The following DNAJB12 variants were observed in gnomAD, a reference collection of about 807,000 sequenced individuals.
The protein encoded by DNAJB12 is DnaJ heat shock protein family (Hsp40) member B12.
In DNAJB12, 14 loss-of-function variants were observed where a neutral mutation model predicts 40.6. The observed-to-expected ratio is 0.34, with a 90% CI of 0.23 to 0.54. DNAJB12 has a LOEUF of 0.54. DNAJB12 is among the 20% of genes least tolerant of loss of function. The pLI is 0.92. For missense variants in DNAJB12, 444 were observed against 501.7 expected (o/e 0.89, Z 1.10); for synonymous variants, 181 against 199.5 (o/e 0.91, Z 0.78).
chr10:72,348,147 G>A (rs962489406), intron 1 of DNAJB12, among the ~76,000 whole-genome samples: 2 of 152,082 alleles, frequency 1.3e-5, no homozygotes, highest in East Asian at 1.9e-4. Flanking sequence ...GCTTGAACCC[G>A]GGAGGCAGAG....
intron 3 of DNAJB12, among the ~76,000 whole-genome samples, chr10:72,343,006 C>T (rs1251656344): frequency 6.6e-6 from 1 of 152,212 alleles, no homozygotes; most frequent in East Asian, 1.9e-4. Context: ...GAAACAGTTA[C>T]CCCAGTGGGC....
intron 1 of DNAJB12, among the ~76,000 whole-genome samples, chr10:72,347,730 A>G (rs1248281528): frequency 6.6e-6 from 1 of 152,162 alleles, no homozygotes; most frequent in African/African-American, 2.4e-5. Flanking sequence ...CCTGGCCAAC[A>G]TGGTGAAACC....
At chr10:72,349,892 G>C (rs1051780616) in intron 1 of DNAJB12, among the ~76,000 whole-genome samples, 1 of 152,106 alleles carries the variant, frequency 6.6e-6, no homozygotes, top group Non-Finnish European at 1.5e-5. Context: ...TTCTGGCCTG[G>C]GGGATGTGAC....
intron 7 of DNAJB12, among the ~76,000 whole-genome samples, 199 bp downstream of exon 7, chr10:72,336,325 C>G (rs1313246753): frequency 6.6e-6 from 1 of 152,218 alleles, no homozygotes; most frequent in Non-Finnish European, 1.5e-5. Flanking sequence ...GAGGAAACTA[C>G]CAGGTGGCCC....
Position 72,333,178 on chromosome 10 carries a change from GA to G in DNAJB12, c.*1469del, listed in dbSNP as rs1427064904. The G allele has an allele frequency of 1.3e-5, 2 of 152,196 alleles. No individual in the cohort carries two copies. Among genetic ancestry groups the G allele is most frequent in the African/African-American group, 4.8e-5 (2 of 41,436 alleles). The allele number at this position is 152,196 out of a possible 1,614,324, so 9.4% of individuals were successfully genotyped here. ...GGGACTTTTAAAAAAAGAGCCGAGAGAAACTCTGGGAGGGTGGTTATCACCT... is the reference window on the plus strand; with the variant it reads ...GGGACTTTTAAAAAAAGAGCCGAGAGAACTCTGGGAGGGTGGTTATCACCT... On this transcript the variant is annotated 3_prime_UTR_variant, in exon 9 of 9. Transcript: ENST00000444643.
intron 1 of DNAJB12, among the ~76,000 whole-genome samples, chr10:72,350,255 C>G (rs1861899611): frequency 6.6e-6 from 1 of 151,830 alleles, no homozygotes; most frequent in African/African-American, 2.4e-5. Context: ...AAAAATTAGC[C>G]AGGTGTGGTG....
chr10:72,344,972 C>T lies in DNAJB12; in HGVS notation c.289G>A (p.Glu97Lys), dbSNP rs1564821719. Residue 97 changes from glutamate (E) to lysine (K), a missense_variant, in exon 2 of 9, where the codon GAA becomes AAA. Coordinates refer to ENST00000444643, the MANE Select transcript of DNAJB12 (RefSeq NM_017626.7). ...GGESTKGYTA[E>K]QVAAVKRVKQ... is the part of the protein sequence containing the mutation. The stretch of plus-strand genomic sequence containing the variant: ...TACCTTTTCACAGCTGCAACCTGTT[C>T]TGCAGTGTAGCCTTTGGTGCTCTCT... 6.2e-7 allele frequency: 1 copy of T among 1,614,234 alleles called. No individual in the cohort carries two copies. The highest frequency in any genetic ancestry group is 8.5e-7 in the Non-Finnish European group (1 of 1,180,046).
chr10:72,335,653 T>G lies in DNAJB12; in HGVS notation c.*30+127A>C, dbSNP rs1589121935. ...CTGCTCGGTCTCTGGAGGCTGGAGG[T>G]CAGGCTGGGGACAGGAGTCTTTGCC... On this transcript the variant is annotated intron_variant, in intron 8 of 8. Coordinates refer to ENST00000444643, the MANE Select transcript of DNAJB12 (RefSeq NM_017626.7). The surrounding 1 kb of genome is among the most constrained non-coding windows in gnomAD (Gnocchi z 4.4). The G allele has an allele frequency of 7.0e-7, 1 of 1,431,624 alleles. No individual in the cohort carries two copies. The highest frequency in any genetic ancestry group is 9.1e-7 in the Non-Finnish European group (1 of 1,094,104). 88.7% of individuals were successfully genotyped at this position (1,431,624 alleles called of 1,614,324 possible). A position where few individuals can be genotyped will look rare whatever the true frequency, so the allele number is the denominator to read the frequency against.
intron 3 of DNAJB12, among the ~76,000 whole-genome samples, chr10:72,341,911 T>C (rs1170350868): frequency 6.6e-6 from 1 of 152,198 alleles, no homozygotes; most frequent in Non-Finnish European, 1.5e-5. Flanking sequence ...GTCTCTTGCT[T>C]CAAGTTCTCT....
rs1256539820 is a variant in DNAJB12, at chr10:72,333,729, G to C, written c.*919C>G. 1 of 152,628 alleles carries C rather than the reference G, an allele frequency of 6.6e-6. No homozygotes were observed. Among genetic ancestry groups the C allele is most frequent in the Non-Finnish European group, 1.5e-5 (1 of 68,088 alleles). 9.5% of individuals were successfully genotyped at this position (152,628 alleles called of 1,614,324 possible). A position where few individuals can be genotyped will look rare whatever the true frequency, so the allele number is the denominator to read the frequency against. On this transcript the variant is annotated 3_prime_UTR_variant, in exon 9 of 9. Transcript: ENST00000444643. The stretch of plus-strand genomic sequence containing the variant: ...CCCTTCTGTGGGCAGGGGGCTGGAG[G>C]GCTCCTGGGCACCAGGACAAAGAGC...
chr10:72,345,937 T>C (rs1385423876), intron 1 of DNAJB12, among the ~76,000 whole-genome samples: 1 of 151,874 alleles, frequency 6.6e-6, no homozygotes, highest in African/African-American at 2.4e-5. Flanking sequence ...GAGGTCTTTT[T>C]CGTTTTACAT....
chr10:72,343,221 A>C (rs1861685644), intron 3 of DNAJB12, 145 bp downstream of exon 3: 3 of 983,124 alleles, frequency 3.1e-6, no homozygotes, highest in African/African-American at 1.6e-5. Flanking sequence ...TTTTCCCAAG[A>C]AGCAGCTCCC....
At chr10:72,351,149 G>T (rs1189290204) in intron 1 of DNAJB12, among the ~76,000 whole-genome samples, 2 of 152,146 alleles carry the variant, frequency 1.3e-5, no homozygotes, top group Non-Finnish European at 2.9e-5. Context: ...TGGGAAATCT[G>T]GCACCTTCCA....
chr10:72,335,949 A>G lies in DNAJB12; in HGVS notation c.1007-18T>C. On this transcript the variant is annotated intron_variant, in intron 7 of 8. Transcript: ENST00000444643. The surrounding 1 kb of genome is among the most constrained non-coding windows in gnomAD (Gnocchi z 4.4). ...GCCTTCCTCTGCAAAGCAATGGGAC[A>G]GGGTTAGTGCACACCCAGTACCTCC... 1 of 1,613,884 alleles carries G rather than the reference A, an allele frequency of 6.2e-7. No individual in the cohort carries two copies. Among genetic ancestry groups the G allele is most frequent in the African/African-American group, 1.3e-5 (1 of 75,062 alleles).
chr10:72,351,414 T>C (rs1861931213), intron 1 of DNAJB12, among the ~76,000 whole-genome samples: 4 of 152,244 alleles, frequency 2.6e-5, no homozygotes, highest in African/African-American at 7.2e-5. Context: ...TCAAGGTTGC[T>C]CTGAGCCTCC....
intron 1 of DNAJB12, among the ~76,000 whole-genome samples, chr10:72,351,968 C>T (rs374973992): frequency 3.9e-5 from 6 of 152,302 alleles, no homozygotes; most frequent in African/African-American, 1.2e-4. Flanking sequence ...TCTGATTCTC[C>T]TCTGCACCTC....
At chr10:72,343,004 T>C (rs769417344) in intron 3 of DNAJB12, among the ~76,000 whole-genome samples, 3 of 152,208 alleles carry the variant, frequency 2.0e-5, no homozygotes, top group Non-Finnish European at 2.9e-5. Context: ...GGGAAACAGT[T>C]ACCCCAGTGG....
chr10:72,336,777 G>A (rs1861490756), intron 6 of DNAJB12, 81 bp from the exon 7 acceptor site: 1 of 1,251,214 alleles, frequency 8.0e-7, no homozygotes. Context: ...CAAGACAGGA[G>A]GTGCCGCACA....
intron 1 of DNAJB12, 134 bp from the exon 2 acceptor site, chr10:72,345,261 G>A: frequency 5.0e-6 from 5 of 1,008,904 alleles, no homozygotes; most frequent in Non-Finnish European, 7.2e-6. Flanking sequence ...GCCTGTGGGT[G>A]CTGGGGGGAC....
Sources: allele counts gnomAD v4.1 joint callset (sites outside exome capture counted in the v4.1 genomes callset), GRCh38; gene constraint gnomAD v4.1.1; non-coding constraint Gnocchi (gnomAD v3.1); transcripts MANE v1.5; gene names NCBI Gene and HGNC (gene_info 2026-07-23, HGNC 2026-07-21).